Variants in BCAS1 observed in about 807,000 individuals in gnomAD.
BCAS1 encodes the protein breast carcinoma-amplified sequence 1.
In BCAS1, 46 loss-of-function variants were observed where a neutral mutation model predicts 65.4. That is an observed-to-expected ratio of 0.70 (90% CI 0.55 to 0.90). BCAS1 has a LOEUF of 0.90. Ranked by LOEUF, BCAS1 falls within the 40% of genes least tolerant of loss-of-function variation. The pLI, the probability that BCAS1 is intolerant of heterozygous loss-of-function variation, is 0.00. For missense variants in BCAS1, 793 were observed against 771.2 expected, an observed-to-expected ratio of 1.03 and a Z score of -0.33; for synonymous variants, 298 against 293.5, an observed-to-expected ratio of 1.02 and a Z score of -0.16.
At chr20:54,029,055 A>T (rs2091744921) in intron 3 of BCAS1, 83 bp from the exon 4 acceptor site, 1 of 1,486,954 alleles carries the variant, frequency 6.7e-7, no homozygotes. Flanking sequence ...CATTTTTTAT[A>T]CAAAAGCCAT....
At chr20:54,035,418 A>T (rs1002135758) in intron 3 of BCAS1, among the ~76,000 whole-genome samples, 4 of 150,158 alleles carry the variant, frequency 2.7e-5, no homozygotes, top group African/African-American at 9.7e-5. Context: ...AAAAAAAAAA[A>T]AAGAAGACAT....
intron 4 of BCAS1, among the ~76,000 whole-genome samples, chr20:54,026,524 T>C (rs2091676372): frequency 6.6e-6 from 1 of 152,240 alleles, no homozygotes; most frequent in African/African-American, 2.4e-5. Context: ...TGTCCAAAGA[T>C]GAGTAAAACA....
chr20:53,948,793 C>A (rs1056306287), intron 12 of BCAS1, among the ~76,000 whole-genome samples: 1 of 152,168 alleles, frequency 6.6e-6, no homozygotes, highest in African/African-American at 2.4e-5. Context: ...TCCAAGATGA[C>A]CTAGGACTAG....
At chr20:53,996,839 C>T (rs2090928665) in intron 4 of BCAS1, among the ~76,000 whole-genome samples, 1 of 152,212 alleles carries the variant, frequency 6.6e-6, no homozygotes. Context: ...TGCAGGATCT[C>T]CAACGTCTAA....
rs79222605 is a variant in BCAS1 at position 53,959,076 on chromosome 20, T to C, written c.1486-1579A>G. ...TCCCCTCATCAGGAGTCAACTGTGC[T>C]CTTCTTTATTTTTGATATTATTATT... is the stretch of plus-strand genomic sequence containing the variant. On this transcript the variant is annotated intron_variant, in intron 10 of 12. Transcript: ENST00000688948. Among the ~76,000 whole-genome samples, 1,139 of 152,264 alleles carry C rather than the reference T, an allele frequency of 7.5e-3. 16 individuals carry two copies. Among genetic ancestry groups the C allele is most frequent in the African/African-American group, 0.026 (1,080 of 41,542 alleles).
intron 4 of BCAS1, among the ~76,000 whole-genome samples, chr20:54,020,731 C>T (rs1054684727): frequency 5.3e-5 from 8 of 152,264 alleles, no homozygotes; most frequent in Admixed American, 4.6e-4. Context: ...AACAGAACAG[C>T]GTTCTCCAAA....
intron 11 of BCAS1, among the ~76,000 whole-genome samples, chr20:53,954,314 AG>A (rs2089631414): frequency 6.6e-6 from 1 of 151,556 alleles, no homozygotes; most frequent in Admixed American, 6.6e-5. Flanking sequence ...AGAGAGAGAG[AG>A]AGAGAGAGAG....
intron 7 of BCAS1, among the ~76,000 whole-genome samples, chr20:53,988,773 A>G (rs2090679467): frequency 6.6e-6 from 1 of 152,212 alleles, no homozygotes. Flanking sequence ...TTTTATGCCA[A>G]TTTCACAGAC....
intron 4 of BCAS1, among the ~76,000 whole-genome samples, chr20:53,999,645 G>C (rs2091008398): frequency 6.6e-6 from 1 of 152,082 alleles, no homozygotes; most frequent in Non-Finnish European, 1.5e-5. Flanking sequence ...CAAGTAGGCT[G>C]TTGCCTCAGG....
In BCAS1 at chr20:54,044,441, G is replaced by A. The variant is rs116757430; in HGVS notation, c.142+13644C>T. Among the ~76,000 whole-genome samples, 222 of 152,304 alleles carry A rather than the reference G, an allele frequency of 1.5e-3. 1 individual carries two copies. Among genetic ancestry groups the A allele is most frequent in the African/African-American group, 5.1e-3 (213 of 41,560 alleles). On this transcript the variant is annotated intron_variant, in intron 3 of 12. Coordinates refer to ENST00000688948, the MANE Select transcript of BCAS1 (RefSeq NM_001366298.2). ...GTTAAAATCAGACTGTATGAGTCAT[G>A]GAACAGTAAGTTGTGTCCAGAGTAT... is the stretch of plus-strand genomic sequence containing the variant.
intron 12 of BCAS1, among the ~76,000 whole-genome samples, chr20:53,945,414 T>TA (rs35902097): frequency 0.21 from 32,370 of 151,090 alleles, 3,723 homozygotes; most frequent in East Asian, 0.37. Context: ...CTTTTTTTTT[T>TA]ATTATACTTT....
chr20:54,067,703 C>G (rs1312206604), intron 1 of BCAS1, among the ~76,000 whole-genome samples: 1 of 152,186 alleles, frequency 6.6e-6, no homozygotes. Flanking sequence ...GCAAGCTGGC[C>G]TGGAGAAAGC....
At chr20:53,946,505 G>GTATATA (rs71196434) in intron 12 of BCAS1, among the ~76,000 whole-genome samples, 8,907 of 145,832 alleles carry the variant, frequency 0.061, 375 homozygotes, top group East Asian at 0.27. Context: ...ATTGTATACA[G>GTATATA]TATATATATA....
At chr20:54,015,002 T>C (rs2091403598) in intron 4 of BCAS1, among the ~76,000 whole-genome samples, 2 of 151,950 alleles carry the variant, frequency 1.3e-5, no homozygotes, top group African/African-American at 4.8e-5. Flanking sequence ...TGAAGACCAA[T>C]ACTAAAAATA....
chr20:54,060,916 G>A (rs995711380), intron 1 of BCAS1, among the ~76,000 whole-genome samples: 6 of 152,160 alleles, frequency 3.9e-5, no homozygotes, highest in Non-Finnish European at 7.3e-5. Context: ...ACGATTGATA[G>A]CATCTCTCAC....
At chr20:53,948,268 G>A (rs2089396761) in intron 12 of BCAS1, among the ~76,000 whole-genome samples, 1 of 152,108 alleles carries the variant, frequency 6.6e-6, no homozygotes, top group Admixed American at 6.5e-5. Flanking sequence ...GGGGCTTGAT[G>A]GACTAAACAG....
intron 4 of BCAS1, 135 bp downstream of exon 4, chr20:54,028,257 C>T (rs983537242): frequency 6.3e-6 from 5 of 799,348 alleles, no homozygotes; most frequent in Non-Finnish European, 8.6e-6. Flanking sequence ...CTGCAATGTG[C>T]TATTTGTTCT....
At chr20:53,995,418 T>C (rs2090880194) in intron 5 of BCAS1, among the ~76,000 whole-genome samples, 1 of 152,124 alleles carries the variant, frequency 6.6e-6, no homozygotes, top group South Asian at 2.1e-4. Flanking sequence ...CTTTTGAGGT[T>C]AGTCTTGATA....
At position 53,944,882 on chromosome 20, in the gene BCAS1, T is replaced by C; in HGVS notation, c.*40A>G. On this transcript the variant is annotated 3_prime_UTR_variant, in exon 13 of 13. Transcript: ENST00000688948. ...GGAGATGGAGTAAGGAGAACACATC[T>C]TGGTGGCAGGAGAACCTGGTGGGAA... 3 of 1,575,074 alleles carry C rather than the reference T, an allele frequency of 1.9e-6. No homozygotes were observed. Among genetic ancestry groups the C allele is most frequent in the Non-Finnish European group, 2.6e-6 (3 of 1,144,464 alleles).
Sources: allele counts gnomAD v4.1 joint callset (sites outside exome capture counted in the v4.1 genomes callset), GRCh38; gene constraint gnomAD v4.1.1; transcripts MANE v1.5; gene names NCBI Gene and HGNC (gene_info 2026-07-23, HGNC 2026-07-21).